Variants in KAZN observed in about 807,000 individuals in gnomAD.
The protein encoded by KAZN is kazrin.
Under a neutral mutation model 87.4 loss-of-function variants are expected in KAZN, and 40 were observed. That is an observed-to-expected ratio of 0.46 (90% CI 0.36 to 0.60). The LOEUF is 0.60. Ranked by LOEUF, KAZN falls within the 20% of genes least tolerant of loss-of-function variation. The probability of loss-of-function intolerance (pLI) is 0.00; values close to 1 mark genes in which losing one functional copy is unlikely to be tolerated. For missense variants in KAZN, 898 were observed against 1,073.9 expected (o/e 0.84, Z 2.29); for synonymous variants, 466 against 458.3 (o/e 1.02, Z -0.22).
intron 1 of KAZN, among the ~76,000 whole-genome samples, chr1:14,932,609 C>G (rs544323605): frequency 6.6e-6 from 1 of 152,214 alleles, no homozygotes; most frequent in Non-Finnish European, 1.5e-5. Flanking sequence ...GGGCATGAGG[C>G]TCATGAGTGT....
chr1:14,617,478 C>A (rs2148632898), intron 1 of KAZN, among the ~76,000 whole-genome samples: 1 of 152,258 alleles, frequency 6.6e-6, no homozygotes, highest in East Asian at 1.9e-4. Flanking sequence ...GGGGTTACCA[C>A]AAACCTTTGA....
intron 1 of KAZN, among the ~76,000 whole-genome samples, chr1:13,969,222 T>G (rs546737447): frequency 6.6e-6 from 1 of 152,312 alleles, no homozygotes; most frequent in African/African-American, 2.4e-5. Flanking sequence ...GTTAAAGTAG[T>G]AGTCCCCATA....
intron 2 of KAZN, among the ~76,000 whole-genome samples, chr1:14,477,886 T>C (rs1236757217): frequency 1.3e-5 from 2 of 152,134 alleles, no homozygotes; most frequent in East Asian, 1.9e-4. Flanking sequence ...ACCTCCTCCT[T>C]CTTGCTCCCA....
rs146889494 is a variant in KAZN at position 14,788,843 on chromosome 1, C to T, written c.227-171841C>T. 5.5e-4 allele frequency among the ~76,000 whole-genome samples: 83 copies of T among 152,238 alleles called. 1 individual carries two copies. Among genetic ancestry groups the T allele is most frequent in the Admixed American group, 1.8e-3 (27 of 15,294 alleles). The stretch of plus-strand genomic sequence containing the variant: ...CACCTAAGAAGGGAAGTGGTGTGAT[C>T]TGAGGCATGTGGACAGCCACCTCTG... On this transcript the variant is annotated intron_variant, in intron 1 of 14. Transcript: ENST00000376030.
chr1:14,082,875 T>G (rs1643732958), intron 1 of KAZN, among the ~76,000 whole-genome samples: 1 of 152,178 alleles, frequency 6.6e-6, no homozygotes, highest in Non-Finnish European at 1.5e-5. Flanking sequence ...AATGAACATT[T>G]ACTATGTTTC....
At chr1:14,793,441 G>C (rs1645740695) in intron 1 of KAZN, among the ~76,000 whole-genome samples, 1 of 152,202 alleles carries the variant, frequency 6.6e-6, no homozygotes, top group Admixed American at 6.5e-5. Flanking sequence ...AGGCAGACCA[G>C]CTGGGTTCAA....
intron 2 of KAZN, among the ~76,000 whole-genome samples, chr1:14,295,697 T>C (rs1654060453): frequency 6.6e-6 from 1 of 152,132 alleles, no homozygotes; most frequent in South Asian, 2.1e-4. Context: ...CATGCGCAGA[T>C]ACACCAATAC....
At chr1:15,018,859 C>G (rs1670383693) in intron 2 of KAZN, among the ~76,000 whole-genome samples, 1 of 152,184 alleles carries the variant, frequency 6.6e-6, no homozygotes, top group Non-Finnish European at 1.5e-5. Context: ...TGTCTTCACA[C>G]CTTTGAAATC....
intron 2 of KAZN, among the ~76,000 whole-genome samples, chr1:14,290,922 T>C (rs2100745801): frequency 6.6e-6 from 1 of 152,350 alleles, no homozygotes; most frequent in East Asian, 1.9e-4. Context: ...TAGTTTTCCT[T>C]CTAACAGTCA....
At chr1:14,551,251 T>G (rs1022011151) in intron 2 of KAZN, among the ~76,000 whole-genome samples, 1 of 152,150 alleles carries the variant, frequency 6.6e-6, no homozygotes, top group African/African-American at 2.4e-5. Flanking sequence ...GCGCTGCTAA[T>G]TAGGGTGGGA....
At chr1:14,978,539 C>T (rs1665902787) in intron 2 of KAZN, among the ~76,000 whole-genome samples, 2 of 152,156 alleles carry the variant, frequency 1.3e-5, no homozygotes, top group Non-Finnish European at 2.9e-5. Flanking sequence ...CCTGGGAAGC[C>T]CCTGAGGCAG....
intron 1 of KAZN, among the ~76,000 whole-genome samples, chr1:14,693,359 T>C (rs1641428386): frequency 6.6e-6 from 1 of 152,236 alleles, no homozygotes; most frequent in Admixed American, 6.5e-5. Context: ...ACCACAGTGC[T>C]GTCATTCTAA....
chr1:14,447,701 C>T (rs1046874141), intron 2 of KAZN, among the ~76,000 whole-genome samples: 4 of 152,212 alleles, frequency 2.6e-5, no homozygotes, highest in Admixed American at 2.0e-4. Context: ...GAATTCATCT[C>T]GTCTCCTCAG....
intron 1 of KAZN, among the ~76,000 whole-genome samples, chr1:14,813,348 G>A (rs1646468926): frequency 6.6e-6 from 1 of 152,146 alleles, no homozygotes; most frequent in Admixed American, 6.5e-5. Context: ...GTTTCCACCT[G>A]AACTTCTTGG....
chr1:13,996,975 C>T (rs761165485), intron 1 of KAZN, among the ~76,000 whole-genome samples: 317 of 152,262 alleles, frequency 2.1e-3, no homozygotes, highest in Non-Finnish European at 3.2e-3. Context: ...TGGTGCCCCT[C>T]GAGGTCAGAG....
At chr1:14,841,181 G>A (rs1647931765) in intron 1 of KAZN, among the ~76,000 whole-genome samples, 1 of 151,846 alleles carries the variant, frequency 6.6e-6, no homozygotes, top group Non-Finnish European at 1.5e-5. Context: ...ACTTTGGGAG[G>A]CCAAGGCGGG....
intron 1 of KAZN, among the ~76,000 whole-genome samples, chr1:14,652,896 A>AG (rs1638542820): frequency 1.3e-5 from 2 of 148,306 alleles, no homozygotes; most frequent in African/African-American, 2.5e-5. Context: ...GCTGGGAGAG[A>AG]GGGGGGTGCC....
intron 2 of KAZN, among the ~76,000 whole-genome samples, chr1:14,478,270 GAAGA>G (rs201712484): frequency 0.082 from 11,643 of 142,194 alleles, 620 homozygotes; most frequent in Admixed American, 0.11. Flanking sequence ...AGGAAGGAAG[GAAGA>G]AAGGAAGGAA....
At chr1:13,894,024 A>T (rs548136918) in intron 1 of KAZN, among the ~76,000 whole-genome samples, 1 of 152,058 alleles carries the variant, frequency 6.6e-6, no homozygotes, top group South Asian at 2.1e-4. Flanking sequence ...TTCGTCATCG[A>T]TTTTCTCTGT....
Sources: allele counts gnomAD v4.1 joint callset (sites outside exome capture counted in the v4.1 genomes callset), GRCh38; gene constraint gnomAD v4.1.1; transcripts MANE v1.5; gene names NCBI Gene and HGNC (gene_info 2026-07-23, HGNC 2026-07-21).